Variants in PPP1R3F observed in about 807,000 individuals in gnomAD.
PPP1R3F encodes the protein protein phosphatase 1, regulatory (inhibitor) subunit 3F.
A neutral mutation model predicts 24.2 loss-of-function variants in PPP1R3F; 29 were observed. The observed-to-expected ratio is 1.20, with a 90% CI of 0.89 to 1.63. PPP1R3F has a LOEUF of 1.63. Ranked by LOEUF, PPP1R3F falls within the 40% of genes most tolerant of loss-of-function variation. PPP1R3F has a pLI of 0.00. For synonymous variants in PPP1R3F, 363 were observed against 340.1 expected, an observed-to-expected ratio of 1.07 and a Z score of -0.74; for missense variants, 823 against 729.3, an observed-to-expected ratio of 1.13 and a Z score of -1.48.
At chrX:49,284,471 CCTCT>C (rs1386152506) in intron 3 of PPP1R3F, among the ~76,000 whole-genome samples, 20 of 91,639 alleles carry the variant, frequency 2.2e-4, no homozygotes, top group African/African-American at 3.2e-4. Flanking sequence ...TCCTTTCTTT[CCTCT>C]CTCTCTCTCT....
At chrX:49,280,322 C>T (rs1557120507) in intron 1 of PPP1R3F, among the ~76,000 whole-genome samples, 1 of 111,619 alleles carries the variant, frequency 9.0e-6, no homozygotes, top group Non-Finnish European at 1.9e-5. Flanking sequence ...GATTTCGGCT[C>T]ACTGCAATCT....
chrX:49,280,549 C>CTTTTTTTTT (rs782591947), intron 1 of PPP1R3F, among the ~76,000 whole-genome samples: 5 of 79,607 alleles, frequency 6.3e-5, no homozygotes, highest in South Asian at 7.7e-4. Flanking sequence ...GCGTCTGGCC[C>CTTTTTTTTT]TTTTTTTTTT....
At chrX:49,295,615 T>G (rs1214620915) in intron 3 of PPP1R3F, among the ~76,000 whole-genome samples, 4 of 111,431 alleles carry the variant, frequency 3.6e-5, no homozygotes, top group Non-Finnish European at 5.7e-5. Context: ...CCATACTTTC[T>G]TTTTTTCTGG....
At position 49,270,503 on chromosome X, in the gene PPP1R3F, G is replaced by A; in HGVS notation, c.634G>A (p.Gly212Arg). ...SPPWAGAGGT[G>R]AGDPILDPGL... ...GCCGTGGGCAGGAGCGGGAGGAACA[G>A]GAGCAGGAGATCCCATCCTGGATCC... The change falls in exon 1 of 4, where the codon GGA (glycine) becomes AGA (arginine). Residue 212 changes from glycine to arginine, a missense_variant. Gly to Arg is a moderately radical substitution (Grantham distance 125). Coordinates refer to ENST00000055335, the MANE Select transcript of PPP1R3F (RefSeq NM_033215.5). The A allele has an allele frequency of 8.3e-7, 1 of 1,206,227 alleles. No individual in the cohort carries two copies. Among genetic ancestry groups the A allele is most frequent in the Non-Finnish European group, 1.1e-6 (1 of 895,066 alleles).
In PPP1R3F at chrX:49,287,863, C is replaced by A. The variant is rs1341778815; in HGVS notation, c.*773C>A. 1 of 110,761 alleles carries A rather than the reference C, an allele frequency of 9.0e-6. No individual in the cohort carries two copies. Among genetic ancestry groups the A allele is most frequent in the African/African-American group, 3.3e-5 (1 of 30,278 alleles). The allele number at this position is 110,761 out of a possible 1,213,427, so 9.1% of individuals were successfully genotyped here. Reference sequence around the variant, plus strand: ...GGGGACATCAGTTGTGAATCAGCCACAAGGTTTTGAGGTTACTGAAAAAAC... The same window carrying A: ...GGGGACATCAGTTGTGAATCAGCCAAAAGGTTTTGAGGTTACTGAAAAAAC... On this transcript the variant is annotated 3_prime_UTR_variant, in exon 4 of 4. Transcript: ENST00000055335.
downstream of PPP1R3F, among the ~76,000 whole-genome samples, chrX:49,290,169 T>C (rs1324895783): frequency 8.9e-6 from 1 of 111,742 alleles, no homozygotes; most frequent in African/African-American, 3.3e-5. Context: ...GGGAGTAGCA[T>C]GAGTGTCCGA....
Position 49,270,595 on chromosome X carries a change from C to T in PPP1R3F, c.726C>T (p.Arg242=). 1.7e-6 allele frequency: 2 copies of T among 1,204,790 alleles called. No homozygotes were observed. Among genetic ancestry groups the T allele is most frequent in the Admixed American group, 2.2e-5 (1 of 45,979 alleles). ...SSPDDGGRTD[R]FAFQLPFAEG... ...CCGACGACGGCGGCCGCACCGACCG[C>T]TTTGCCTTCCAGCTGCCCTTTGCTG... The change falls in exon 1 of 4, where the codon CGC becomes CGT. Residue 242 remains arginine (R), a synonymous_variant. Coordinates refer to ENST00000055335, the MANE Select transcript of PPP1R3F (RefSeq NM_033215.5).
Position 49,298,036 on chromosome X carries a change from T to C in PPP1R3F, c.393-3315T>C, listed in dbSNP as rs1342039953. On this transcript the variant is annotated intron_variant, in intron 3 of 3. Coordinates refer to the PPP1R3F transcript ENST00000471261. ...TTTACATTTAAGGTTAATATTGTTA[T>C]GTGTGAATTTGATCCTGTCATTATG... Among the ~76,000 whole-genome samples, 7 of 110,530 alleles carry C rather than the reference T, an allele frequency of 6.3e-5. No homozygotes were observed. The Admixed American group carries it at 6.8e-4, about 11-fold the overall frequency.
intron 3 of PPP1R3F, among the ~76,000 whole-genome samples, chrX:49,283,876 C>A (rs1380365480): frequency 9.0e-6 from 1 of 110,943 alleles, no homozygotes; most frequent in Non-Finnish European, 1.9e-5. Context: ...AGAATTAACT[C>A]TATTTAATTC....
chrX:49,282,014 C>A lies in PPP1R3F; in HGVS notation c.1094C>A (p.Pro365Gln), dbSNP rs1557120779. The A allele has an allele frequency of 4.1e-6, 5 of 1,210,360 alleles. No homozygotes were observed. In the East Asian group the frequency reaches 1.5e-4, roughly 36 times the overall value. ...EHPDVQESVG[P>Q]LVAPTPLRPW... ...CCTGATGTCCAGGAGTCAGTGGGTCCACTGGTAGCCCCCACCCCTCTCCGT... is the reference window on the plus strand; with the variant it reads ...CCTGATGTCCAGGAGTCAGTGGGTCAACTGGTAGCCCCCACCCCTCTCCGT... The change falls in exon 3 of 4, where the codon CCA becomes CAA. Residue 365 changes from proline (P) to glutamine (Q), a missense_variant. Physicochemically the swap from Pro to Gln is moderately conservative, Grantham distance 76. Coordinates refer to ENST00000055335, the MANE Select transcript of PPP1R3F (RefSeq NM_033215.5).
In PPP1R3F at chrX:49,286,236, A is replaced by C; in HGVS notation, c.1546A>C (p.Thr516Pro). ...GGAGGGGEGS[T>P]DGGMSPSHPL... ...GGCAGGGGGTGGTGGGGAGGGCTCCACAGATGGAGGGATGTCCCCCAGCCA... is the reference window on the plus strand; with the variant it reads ...GGCAGGGGGTGGTGGGGAGGGCTCCCCAGATGGAGGGATGTCCCCCAGCCA... The change falls in exon 4 of 4, where the codon ACA becomes CCA. Residue 516 changes from threonine to proline, a missense_variant. Physicochemically the swap from Thr to Pro is conservative, Grantham distance 38 (BLOSUM62 -1). Coordinates refer to ENST00000055335, the MANE Select transcript of PPP1R3F (RefSeq NM_033215.5). The C allele has an allele frequency of 1.7e-6, 2 of 1,208,486 alleles. No homozygotes were observed. The highest frequency in any genetic ancestry group is 2.2e-6 in the Non-Finnish European group (2 of 894,570).
rs782207752 is a variant in PPP1R3F, at chrX:49,270,093, G to A, written c.224G>A (p.Gly75Asp). The change falls in exon 1 of 4, where the codon GGC becomes GAC. Residue 75 changes from glycine (G) to aspartate (D), a missense_variant. By Grantham distance (94) the Gly-to-Asp change is moderately conservative. Coordinates refer to ENST00000055335, the MANE Select transcript of PPP1R3F (RefSeq NM_033215.5). ...MAAAAGQDGGGGGGADEDDDG... is the reference protein window; with the variant it reads ...MAAAAGQDGGDGGGADEDDDG... The stretch of plus-strand genomic sequence containing the variant: ...GCGGCGGCCGGGCAAGATGGCGGCG[G>A]CGGCGGCGGGGCCGACGAGGACGAC... 62 of 1,007,871 alleles carry A rather than the reference G, an allele frequency of 6.2e-5. No individual in the cohort carries two copies. The highest frequency in any genetic ancestry group is 1.3e-5 in the Non-Finnish European group (10 of 799,735). The allele number at this position is 1,007,871 out of a possible 1,213,427, so 83.1% of individuals were successfully genotyped here.
chrX:49,278,760 TG>T lies in PPP1R3F; in HGVS notation c.1005-2644del, dbSNP rs782617475. ...CCTAGCCACGCATGTCCCAGGCCCA[TG>T]GAGGTAGGGAAATGGGGAATGAATA... On this transcript the variant is annotated intron_variant, in intron 1 of 3. Coordinates refer to ENST00000055335, the MANE Select transcript of PPP1R3F (RefSeq NM_033215.5). 3.6e-5 allele frequency among the ~76,000 whole-genome samples: 4 copies of T among 112,341 alleles called. No individual in the cohort carries two copies. The East Asian group carries it at 1.1e-3, about 31-fold the overall frequency.
rs782249583 is a variant in PPP1R3F, at chrX:49,286,404, G to T, written c.1714G>T (p.Asp572Tyr). Residue 572 changes from aspartate (D) to tyrosine (Y), a missense_variant, in exon 4 of 4, where the codon GAC becomes TAC. Coordinates refer to ENST00000055335, the MANE Select transcript of PPP1R3F (RefSeq NM_033215.5). Reference protein sequence around the residue: ...RGVELIKDTEDPDDEGEGEEG... With the variant: ...RGVELIKDTEYPDDEGEGEEG... The stretch of plus-strand genomic sequence containing the variant: ...CGTGGAGCTCATCAAGGACACCGAA[G>T]ACCCTGATGATGAAGGGGAGGGTGA... The T allele has an allele frequency of 8.4e-7, 1 of 1,191,128 alleles. No homozygotes were observed. The highest frequency in any genetic ancestry group is 1.1e-6 in the Non-Finnish European group (1 of 882,686).
intron 1 of PPP1R3F, among the ~76,000 whole-genome samples, chrX:49,279,064 A>G (rs1023286564): frequency 9.8e-5 from 11 of 111,948 alleles, no homozygotes; most frequent in Non-Finnish European, 1.7e-4. Context: ...GATTACAAGT[A>G]CCTGTCTCAT....
intron 1 of PPP1R3F, among the ~76,000 whole-genome samples, chrX:49,271,523 G>A (rs1276905117): frequency 1.8e-5 from 2 of 112,772 alleles, no homozygotes; most frequent in African/African-American, 6.5e-5. Flanking sequence ...CTGGAGTGGA[G>A]AGAACTGCAA....
In PPP1R3F at chrX:49,287,328, G is replaced by T. The variant is rs1368630333; in HGVS notation, c.*238G>T. On this transcript the variant is annotated 3_prime_UTR_variant, in exon 4 of 4. Transcript: ENST00000055335. ...TGGGCATGTCCTCCGCCTACCCCCC[G>T]AGCCTGTATTTATTTTTGTATAATT... The T allele has an allele frequency of 1.4e-5, 5 of 369,924 alleles. No homozygotes were observed. Among genetic ancestry groups the T allele is most frequent in the Non-Finnish European group, 4.6e-6 (1 of 217,411 alleles). 30.5% of individuals were successfully genotyped at this position (369,924 alleles called of 1,213,427 possible).
chrX:49,273,550 C>T, intron 1 of PPP1R3F: 2 of 112,194 alleles, frequency 1.8e-5, no homozygotes, highest in Non-Finnish European at 3.8e-5. Flanking sequence ...ATTGCAAGAT[C>T]AGCGATAAGG....
intron 1 of PPP1R3F, among the ~76,000 whole-genome samples, chrX:49,272,222 G>A (rs191227738): frequency 1.3e-3 from 147 of 111,863 alleles, no homozygotes; most frequent in Non-Finnish European, 2.5e-3. Flanking sequence ...TAACTGAGCA[G>A]GCAGGCAGGT....
Sources: allele counts gnomAD v4.1 joint callset (sites outside exome capture counted in the v4.1 genomes callset), GRCh38; gene constraint gnomAD v4.1.1; transcripts MANE v1.5; gene names NCBI Gene and HGNC (gene_info 2026-07-23, HGNC 2026-07-21).